The following MEGF8 variants were observed in gnomAD, a reference collection of about 807,000 sequenced individuals.
MEGF8 encodes multiple EGF like domains 8, also known as multiple epidermal growth factor-like domains protein 8.
Under a neutral mutation model 302.9 loss-of-function variants are expected in MEGF8, and 156 were observed. The ratio of observed to expected loss-of-function variants is 0.52; its 90% CI spans 0.45 to 0.59. The LOEUF is 0.59. Ranked by LOEUF, MEGF8 falls within the 20% of genes least tolerant of loss-of-function variation. The pLI is 0.00. For synonymous variants in MEGF8, 1,621 were observed against 1,660.5 expected (o/e 0.98, Z 0.58); for missense variants, 3,345 against 3,964.5 (o/e 0.84, Z 4.20).
chr19:42,351,533 A>C lies in MEGF8; in HGVS notation c.2960A>C (p.His987Pro). The C allele has an allele frequency of 1.9e-6, 3 of 1,609,632 alleles. No individual in the cohort carries two copies. The highest frequency in any genetic ancestry group is 2.5e-6 in the Non-Finnish European group (3 of 1,178,242). ...GCTGCCTACTTGGCCCGGTACCCAC[A>C]CGGGGGCTGTCGAGGCTGGGACGAC... ...LFAAYLARYP[H>P]GGCRGWDDSV... Residue 987 changes from histidine to proline, a missense_variant, in exon 17 of 42, where the codon CAC becomes CCC. Physicochemically the swap from His to Pro is moderately conservative, Grantham distance 77. Transcript: ENST00000251268. The surrounding 1 kb of genome is among the most constrained non-coding windows in gnomAD (Gnocchi z 5.6).
In MEGF8 at chr19:42,353,513, G is replaced by A. The variant is rs369401044; in HGVS notation, c.3599G>A (p.Gly1200Asp). 2 of 1,610,242 alleles carry A rather than the reference G, an allele frequency of 1.2e-6. No homozygotes were observed. The highest frequency in any genetic ancestry group is 1.3e-5 in the African/African-American group (1 of 74,902). ...HCERCRPGSF[G>D]NATGSRGCRP... ...GAACGATGCCGGCCCGGCAGCTTCG[G>A]CAACGCCACAGGCTCTAGGGGCTGC... The change falls in exon 21 of 42, where the codon GGC (glycine) becomes GAC (aspartate). Residue 1200 changes from glycine to aspartate, a missense_variant. Gly to Asp is a moderately conservative substitution (Grantham distance 94, BLOSUM62 -1). Transcript: ENST00000251268. This position sits in a 1 kb window ranked among gnomAD's most constrained non-coding sequence, Gnocchi z 6.1.
chr19:42,356,629 T>A lies in MEGF8; in HGVS notation c.4623-145T>A, dbSNP rs918528451. 1.0e-6 allele frequency: 1 copy of A among 972,588 alleles called. No individual in the cohort carries two copies. Among genetic ancestry groups the A allele is most frequent in the Non-Finnish European group, 1.5e-6 (1 of 670,918 alleles). 60.2% of individuals were successfully genotyped at this position (972,588 alleles called of 1,614,324 possible). Reference sequence around the variant, plus strand: ...GACACTTGGGGACCAGGGTACTTATTTGGGTGGTGCTACTCCAGGGAATGG... The same window carrying A: ...GACACTTGGGGACCAGGGTACTTATATGGGTGGTGCTACTCCAGGGAATGG... On this transcript the variant is annotated intron_variant, in intron 26 of 41. Transcript: ENST00000251268. The surrounding 1 kb of genome is among the most constrained non-coding windows in gnomAD (Gnocchi z 5.2).
At position 42,376,635 on chromosome 19, in the gene MEGF8, G is replaced by C; in HGVS notation, c.8398G>C (p.Gly2800Arg). Residue 2800 changes from glycine to arginine, a missense_variant, in exon 42 of 42, where the codon GGG becomes CGG. Gly to Arg is a moderately radical substitution (Grantham distance 125). Coordinates refer to ENST00000251268, the MANE Select transcript of MEGF8 (RefSeq NM_001271938.2). The surrounding 1 kb of genome is among the most constrained non-coding windows in gnomAD (Gnocchi z 8.2). ...GPHAPNGACLGSALVTLRHRL... is the reference protein window; with the variant it reads ...GPHAPNGACLRSALVTLRHRL... ...CCATGCACCCAACGGCGCCTGCCTG[G>C]GGTCAGCCCTCGTCACACTGCGGCA... The C allele has an allele frequency of 6.5e-7, 1 of 1,543,048 alleles. No individual in the cohort carries two copies. Among genetic ancestry groups the C allele is most frequent in the Non-Finnish European group, 8.7e-7 (1 of 1,146,646 alleles).
chr19:42,335,435 C>T (rs1463303955), intron 5 of MEGF8, 50 bp downstream of exon 5: 3 of 1,572,000 alleles, frequency 1.9e-6, no homozygotes, highest in Non-Finnish European at 2.6e-6. Context: ...CAATCAGACC[C>T]AGCCGGGGAC....
chr19:42,372,074 A>AAAACAC (rs1555784683), intron 41 of MEGF8, among the ~76,000 whole-genome samples: 13 of 79,326 alleles, frequency 1.6e-4, no homozygotes, highest in African/African-American at 4.4e-4. Context: ...AACAACAACA[A>AAAACAC]ACACACACAC....
At chr19:42,329,876 A>G (rs918442821) in intron 1 of MEGF8, among the ~76,000 whole-genome samples, 23 of 138,772 alleles carry the variant, frequency 1.7e-4, no homozygotes, top group South Asian at 1.6e-3. Flanking sequence ...TGTCTCAGGG[A>G]AAAAAAAAAA....
rs529376131 is a variant in MEGF8, at chr19:42,360,432, A to G, written c.5489-343A>G. 2.0e-5 allele frequency among the ~76,000 whole-genome samples: 3 copies of G among 150,294 alleles called. No individual in the cohort carries two copies. In the South Asian group the frequency reaches 6.3e-4, roughly 32 times the overall value. On this transcript the variant is annotated intron_variant, in intron 31 of 41. Transcript: ENST00000251268. ...GCAATCTCAGCTCACTGCAACCTCA[A>G]CCTCCTGGGCTCAAGTGATCCTCCT... is the stretch of plus-strand genomic sequence containing the variant.
In MEGF8 at chr19:42,335,146, G is replaced by A. The variant is rs914844023; in HGVS notation, c.670G>A (p.Ala224Thr). ...GCACAACGTGAGTGCCAGGGACCCT[G>A]CCTTCTCTGCCCGTATTGGGGCAGC... is the stretch of plus-strand genomic sequence containing the variant. ...WWHNVSARDPAFSARIGAAGA... is the reference protein window; with the variant it reads ...WWHNVSARDPTFSARIGAAGA... The change falls in exon 4 of 42, where the codon GCC (alanine) becomes ACC (threonine). Residue 224 changes from alanine (A) to threonine (T), a missense_variant. Ala to Thr is a moderately conservative substitution (Grantham distance 58). Coordinates refer to ENST00000251268, the MANE Select transcript of MEGF8 (RefSeq NM_001271938.2). The A allele has an allele frequency of 9.9e-6, 16 of 1,613,850 alleles. No homozygotes were observed. Among genetic ancestry groups the A allele is most frequent in the Admixed American group, 3.3e-5 (2 of 59,992 alleles).
intron 31 of MEGF8, 29 bp from the exon 32 acceptor site, chr19:42,360,746 A>G (rs777256947): frequency 1.9e-5 from 29 of 1,553,498 alleles, no homozygotes; most frequent in African/African-American, 2.7e-5. Context: ...CCTGCTCTCT[A>G]TCTGTCTGAA....
At position 42,333,611 on chromosome 19, in the gene MEGF8, G is replaced by GC; in HGVS notation, c.199dup (p.Gln67ProfsTer18). 2 of 1,613,554 alleles carry GC rather than the reference G, an allele frequency of 1.2e-6. No individual in the cohort carries two copies. Among genetic ancestry groups the GC allele is most frequent in the Non-Finnish European group, 1.7e-6 (2 of 1,179,600 alleles). On this transcript the variant is annotated frameshift_variant, in exon 2 of 42. Coordinates refer to ENST00000251268, the MANE Select transcript of MEGF8 (RefSeq NM_001271938.2). LOFTEE classifies it high-confidence loss of function. ...CTCTGTGCTCACCTCCCAGCCCCAA[G>GC]CCCCCAGCACCGGATCCTGCTGGAC...
chr19:42,357,323 G>C lies in MEGF8; in HGVS notation c.4831-81G>C. The C allele has an allele frequency of 2.7e-6, 4 of 1,502,124 alleles. No individual in the cohort carries two copies. The highest frequency in any genetic ancestry group is 3.6e-6 in the Non-Finnish European group (4 of 1,101,966). The allele number at this position is 1,502,124 out of a possible 1,614,324, so 93.0% of individuals were successfully genotyped here. On this transcript the variant is annotated intron_variant, in intron 27 of 41. Coordinates refer to ENST00000251268, the MANE Select transcript of MEGF8 (RefSeq NM_001271938.2). This position sits in a 1 kb window ranked among gnomAD's most constrained non-coding sequence, Gnocchi z 5.2. ...TCCTTAGTACTTCAGGGAGGACTGT[G>C]GGGGGCTGAGGCTCGCTTCTACCCA...
intron 35 of MEGF8, among the ~76,000 whole-genome samples, chr19:42,365,511 A>G (rs1257472982): frequency 6.6e-6 from 1 of 151,620 alleles, no homozygotes; most frequent in Non-Finnish European, 1.5e-5. Flanking sequence ...CAGGCCTGTA[A>G]TCCCAACACT....
In MEGF8 at chr19:42,358,970, G is replaced by A. The variant is rs746320659; in HGVS notation, c.5343+16G>A. 1.2e-4 allele frequency: 192 copies of A among 1,605,186 alleles called. No homozygotes were observed. The highest frequency in any genetic ancestry group is 1.7e-4 in the Admixed American group (10 of 58,396). ...CCTGAAGGAGGTGAGATTTGAAGAG[G>A]GTTAGGATTGGGTGGGCTGGTAGGG... On this transcript the variant is annotated intron_variant, in intron 30 of 41. Coordinates refer to ENST00000251268, the MANE Select transcript of MEGF8 (RefSeq NM_001271938.2). This position sits in a 1 kb window ranked among gnomAD's most constrained non-coding sequence, Gnocchi z 4.4.
Position 42,334,063 on chromosome 19 carries a change from A to G in MEGF8, c.408A>G (p.Ser136=), listed in dbSNP as rs1247900056. 1.2e-6 allele frequency: 2 copies of G among 1,613,650 alleles called. No individual in the cohort carries two copies. The highest frequency in any genetic ancestry group is 2.2e-5 in the East Asian group (1 of 44,866). Residue 136 remains serine (S), a synonymous_variant, in exon 3 of 42, where the codon TCA becomes TCG. Transcript: ENST00000251268. ...ACAACCTGCTGGGCTTTAACGCCTC[A>G]TTCCGCTTCTCCCTGTGCCCGGGTG... The part of the protein sequence containing the change: ...ANYNLLGFNA[S]FRFSLCPGGC...
Position 42,350,401 on chromosome 19 carries a change from C to A in MEGF8, c.2736+17C>A, listed in dbSNP as rs2147474038. 1.3e-6 allele frequency: 2 copies of A among 1,489,608 alleles called. No individual in the cohort carries two copies. Among genetic ancestry groups the A allele is most frequent in the East Asian group, 2.4e-5 (1 of 41,484 alleles). 92.3% of individuals were successfully genotyped at this position (1,489,608 alleles called of 1,614,324 possible). Reference sequence around the variant, plus strand: ...TGCACCCAGGTGCCTGTGGGGCCACCAGGGGAGGTCACAAGGTGGAGGGAG... The same window carrying A: ...TGCACCCAGGTGCCTGTGGGGCCACAAGGGGAGGTCACAAGGTGGAGGGAG... On this transcript the variant is annotated intron_variant, in intron 15 of 41. Transcript: ENST00000251268.
chr19:42,357,415 C>G lies in MEGF8; in HGVS notation c.4842C>G (p.Thr1614=), dbSNP rs35468447. ...CCTCCATCCCTCAGGCCCCCCAGAC[C>G]GTGGAGCTGCCAGCCGTTGCTGGTC... The part of the protein sequence containing the change: ...LQWRQEKAPQ[T]VELPAVAGHT... The change falls in exon 28 of 42, where the codon ACC becomes ACG. Residue 1614 remains threonine (T), a synonymous_variant. Coordinates refer to ENST00000251268, the MANE Select transcript of MEGF8 (RefSeq NM_001271938.2). The surrounding 1 kb of genome is among the most constrained non-coding windows in gnomAD (Gnocchi z 5.2). The G allele has an allele frequency of 6.2e-7, 1 of 1,613,256 alleles. No individual in the cohort carries two copies. Among genetic ancestry groups the G allele is most frequent in the South Asian group, 1.1e-5 (1 of 91,042 alleles).
rs1022909130 is a variant in MEGF8 at position 42,350,153 on chromosome 19, C to T, written c.2505C>T (p.Ile835=). ...DRTGVPGGSE[I]SFFFLEPYRS... ...TCCTGTGACCCCTTCCCCAGGAGAT[C>T]TCCTTCTTCTTCCTGGAGCCCTACC... Residue 835 remains isoleucine (I), a synonymous_variant, in exon 15 of 42, where the codon ATC becomes ATT. Transcript: ENST00000251268. The T allele has an allele frequency of 1.2e-6, 2 of 1,610,742 alleles. No homozygotes were observed. Among genetic ancestry groups the T allele is most frequent in the Non-Finnish European group, 8.5e-7 (1 of 1,177,566 alleles).
chr19:42,372,087 A>G (rs1033593088), intron 41 of MEGF8, among the ~76,000 whole-genome samples: 2 of 151,932 alleles, frequency 1.3e-5, no homozygotes, highest in Admixed American at 6.6e-5. Flanking sequence ...ACACACACAC[A>G]CACACACACA....
chr19:42,362,571 T>G lies in MEGF8; in HGVS notation c.6032T>G (p.Met2011Arg), dbSNP rs759329751. 1 of 1,612,974 alleles carries G rather than the reference T, an allele frequency of 6.2e-7. No individual in the cohort carries two copies. Among genetic ancestry groups the G allele is most frequent in the Non-Finnish European group, 8.5e-7 (1 of 1,179,868 alleles). The change falls in exon 34 of 42, where the codon ATG (methionine) becomes AGG (arginine). Residue 2011 changes from methionine (M) to arginine (R), a missense_variant. Coordinates refer to ENST00000251268, the MANE Select transcript of MEGF8 (RefSeq NM_001271938.2). ...CEQCTREGKC[M>R]WTRQFKRTGE... ...CAGTGCACGCGGGAGGGCAAGTGCATGTGGACGCGGCAGTTCAAGAGGACA... is the reference window on the plus strand; with the variant it reads ...CAGTGCACGCGGGAGGGCAAGTGCAGGTGGACGCGGCAGTTCAAGAGGACA...
Sources: allele counts gnomAD v4.1 joint callset (sites outside exome capture counted in the v4.1 genomes callset), GRCh38; gene constraint gnomAD v4.1.1; non-coding constraint Gnocchi (gnomAD v3.1); transcripts MANE v1.5; gene names NCBI Gene and HGNC (gene_info 2026-07-23, HGNC 2026-07-21).